The following KCNIP4 variants were observed in gnomAD, a reference collection of about 807,000 sequenced individuals.
KCNIP4 encodes potassium voltage-gated channel interacting protein 4.
KCNIP4 carries 12 observed loss-of-function variants against 34.0 expected under a neutral mutation model. The observed-to-expected ratio is 0.35, with a 90% CI of 0.23 to 0.57. KCNIP4 has a LOEUF of 0.57. Among genes scored for constraint, KCNIP4 ranks in the 20% least tolerant of loss-of-function variants. The probability of loss-of-function intolerance (pLI) is 0.83; values close to 1 mark genes in which losing one functional copy is unlikely to be tolerated. For synonymous variants in KCNIP4, 124 were observed against 102.2 expected, an observed-to-expected ratio of 1.21 and a Z score of -1.29; for missense variants, 238 against 311.7, an observed-to-expected ratio of 0.76 and a Z score of 1.78.
At chr4:21,205,332 T>G (rs1471124356) in intron 1 of KCNIP4, among the ~76,000 whole-genome samples, 4 of 152,332 alleles carry the variant, frequency 2.6e-5, no homozygotes, top group Middle Eastern at 3.4e-3. Context: ...TATAGAAAGT[T>G]CTGTCATGAT....
intron 1 of KCNIP4, among the ~76,000 whole-genome samples, chr4:20,941,037 AGAC>A (rs1731586071): frequency 6.6e-6 from 1 of 152,178 alleles, no homozygotes; most frequent in African/African-American, 2.4e-5. Context: ...AATTATTTTG[AGAC>A]GACATGAGTT....
intron 1 of KCNIP4, among the ~76,000 whole-genome samples, chr4:21,097,965 A>C (rs947682145): frequency 6.6e-6 from 1 of 152,170 alleles, no homozygotes; most frequent in Non-Finnish European, 1.5e-5. Flanking sequence ...TCTTGAAGAA[A>C]ATTAAAAGTG....
chr4:21,183,935 T>A (rs1022042820), intron 1 of KCNIP4, among the ~76,000 whole-genome samples: 1 of 152,148 alleles, frequency 6.6e-6, no homozygotes, highest in Non-Finnish European at 1.5e-5. Context: ...TCTCAGGCCA[T>A]CACTCTCTAT....
intron 6 of KCNIP4, 151 bp downstream of exon 6, chr4:20,734,477 A>G: frequency 9.0e-6 from 4 of 443,946 alleles, no homozygotes; most frequent in Non-Finnish European, 1.2e-5. Flanking sequence ...CTTCTATCCC[A>G]AGTTTTTAAT....
intron 1 of KCNIP4, among the ~76,000 whole-genome samples, chr4:21,897,267 G>A (rs1375653925): frequency 6.6e-6 from 1 of 150,806 alleles, no homozygotes; most frequent in Non-Finnish European, 1.5e-5. Flanking sequence ...TTTCCTTTTT[G>A]CCTATGTTTT....
At chr4:20,830,306 C>G (rs1718264627) in intron 3 of KCNIP4, among the ~76,000 whole-genome samples, 1 of 152,144 alleles carries the variant, frequency 6.6e-6, no homozygotes, top group Admixed American at 6.5e-5. Flanking sequence ...ATCTAAATGA[C>G]AAATGCCAAC....
chr4:21,639,965 T>C (rs1174744910), intron 1 of KCNIP4, among the ~76,000 whole-genome samples: 1 of 152,212 alleles, frequency 6.6e-6, no homozygotes, highest in African/African-American at 2.4e-5. Context: ...CAATGTCTAA[T>C]AGTCCCCAAA....
At chr4:21,935,299 A>G (rs192742433) in intron 1 of KCNIP4, among the ~76,000 whole-genome samples, 3 of 152,042 alleles carry the variant, frequency 2.0e-5, no homozygotes, top group African/African-American at 7.2e-5. Flanking sequence ...TTTCATTTAC[A>G]TCAGACAAGA....
chr4:21,228,093 C>T (rs372476576), intron 1 of KCNIP4, among the ~76,000 whole-genome samples: 1 of 152,052 alleles, frequency 6.6e-6, no homozygotes, highest in African/African-American at 2.4e-5. Flanking sequence ...AATGAGTAGG[C>T]GACAATTTGC....
chr4:21,729,023 T>A lies in KCNIP4; in HGVS notation c.61+219548A>T, dbSNP rs370891367. Among the ~76,000 whole-genome samples, 67 of 152,316 alleles carry A rather than the reference T, an allele frequency of 4.4e-4. 1 individual carries two copies. In the South Asian group the frequency reaches 0.012, roughly 26 times the overall value. On this transcript the variant is annotated intron_variant, in intron 1 of 8. Coordinates refer to ENST00000382152, the MANE Select transcript of KCNIP4 (RefSeq NM_025221.6). ...CATGCACGCTTGTTCCTTGCATTTA[T>A]TTCTTGGCAAATAATGTCTCTTTGC...
At position 20,850,550 on chromosome 4, in the gene KCNIP4, A is replaced by G. The variant is rs757504228; in HGVS notation, c.281T>C (p.Phe94Ser). ...CAAAAAGAAAGTTCTTACATTCTTA[A>G]ATCCTCTGTAAAGGATCTGAAGCTC... is the stretch of plus-strand genomic sequence containing the variant. ...KKELQILYRG[F>S]KNECPSGVVN... The change falls in exon 3 of 9, where the codon TTT (phenylalanine) becomes TCT (serine). Residue 94 changes from phenylalanine to serine, a missense_variant. By Grantham distance (155) the Phe-to-Ser change is radical (BLOSUM62 -2). Transcript: ENST00000382152. 1 of 1,612,684 alleles carries G rather than the reference A, an allele frequency of 6.2e-7. No homozygotes were observed. The highest frequency in any genetic ancestry group is 1.3e-5 in the African/African-American group (1 of 74,992).
chr4:20,833,954 C>T (rs1560500214), intron 3 of KCNIP4, among the ~76,000 whole-genome samples: 1 of 151,994 alleles, frequency 6.6e-6, no homozygotes, highest in Non-Finnish European at 1.5e-5. Context: ...ACAGAAGCAC[C>T]CCTAAACTGG....
chr4:21,884,548 G>A (rs561845703), intron 1 of KCNIP4, among the ~76,000 whole-genome samples: 1 of 152,104 alleles, frequency 6.6e-6, no homozygotes, highest in East Asian at 1.9e-4. Flanking sequence ...ATTCCCCAAT[G>A]GAGCTACCAT....
chr4:21,314,562 T>G (rs779078039), intron 1 of KCNIP4, among the ~76,000 whole-genome samples: 37 of 152,220 alleles, frequency 2.4e-4, no homozygotes, highest in Non-Finnish European at 4.4e-5. Context: ...AAGGATATTT[T>G]TTTTTATCTC....
chr4:21,624,783 G>A (rs528647602), intron 1 of KCNIP4, among the ~76,000 whole-genome samples: 28 of 152,208 alleles, frequency 1.8e-4, no homozygotes, highest in East Asian at 9.6e-4. Context: ...CTTTGACGCC[G>A]TAAATTGAAT....
chr4:21,049,196 C>T (rs1026689664), intron 1 of KCNIP4, among the ~76,000 whole-genome samples: 3 of 151,652 alleles, frequency 2.0e-5, no homozygotes, highest in African/African-American at 7.3e-5. Flanking sequence ...GTGATCCGCC[C>T]GCCTCGGCCT....
intron 1 of KCNIP4, among the ~76,000 whole-genome samples, chr4:21,930,210 G>A (rs1014219298): frequency 6.6e-6 from 1 of 152,084 alleles, no homozygotes; most frequent in Middle Eastern, 3.2e-3. Context: ...TAGACATGGG[G>A]AAAACTTCTC....
At chr4:21,641,801 C>A (rs1746636765) in intron 1 of KCNIP4, among the ~76,000 whole-genome samples, 1 of 152,176 alleles carries the variant, frequency 6.6e-6, no homozygotes, top group Admixed American at 6.5e-5. Flanking sequence ...GTAGGTTATG[C>A]ATTGGCTCAG....
intron 1 of KCNIP4, among the ~76,000 whole-genome samples, chr4:21,565,709 T>C (rs1739829495): frequency 6.6e-6 from 1 of 152,122 alleles, no homozygotes; most frequent in Admixed American, 6.6e-5. Context: ...TGTCTGGCAC[T>C]GTGTTGGGTG....
Sources: allele counts gnomAD v4.1 joint callset (sites outside exome capture counted in the v4.1 genomes callset), GRCh38; gene constraint gnomAD v4.1.1; transcripts MANE v1.5; gene names NCBI Gene and HGNC (gene_info 2026-07-23, HGNC 2026-07-21).